KAZN: variants seen among roughly 807,000 people sequenced by gnomAD.
KAZN encodes the protein kazrin.
A neutral mutation model predicts 87.4 loss-of-function variants in KAZN; 40 were observed. The observed-to-expected ratio is 0.46, with a 90% confidence interval of 0.36 to 0.60. The LOEUF is 0.60. Among genes scored for constraint, KAZN ranks in the 20% least tolerant of loss-of-function variants. KAZN has a pLI of 0.00. For synonymous variants in KAZN, 466 were observed against 458.3 expected, an observed-to-expected ratio of 1.02 and a Z score of -0.22; for missense variants, 898 against 1,073.9, an observed-to-expected ratio of 0.84 and a Z score of 2.29.
At chr1:13,925,916 G>T (rs1261237776) in intron 1 of KAZN, among the ~76,000 whole-genome samples, 1 of 152,084 alleles carries the variant, frequency 6.6e-6, no homozygotes. Flanking sequence ...GGGGAGTGAG[G>T]GCAGAAGAGT....
At chr1:14,784,318 T>G (rs1246181543) in intron 1 of KAZN, among the ~76,000 whole-genome samples, 1 of 152,286 alleles carries the variant, frequency 6.6e-6, no homozygotes, top group African/African-American at 2.4e-5. Context: ...CCTAGATGAG[T>G]GCTTGGTTGA....
intron 2 of KAZN, among the ~76,000 whole-genome samples, chr1:14,985,052 C>T (rs1167148404): frequency 1.3e-5 from 2 of 151,644 alleles, no homozygotes. Flanking sequence ...AGAAGAATCG[C>T]TTGAACCCAG....
rs72869097 is a variant in KAZN at position 14,394,590 on chromosome 1, G to A, written c.250-204393G>A. Among the ~76,000 whole-genome samples the A allele has an allele frequency of 5.6e-3, 847 of 152,220 alleles. 4 individuals carry two copies. The highest frequency in any genetic ancestry group is 0.019 in the African/African-American group (784 of 41,514). On this transcript the variant is annotated intron_variant, in intron 2 of 16. Coordinates refer to the KAZN transcript ENST00000636203. The stretch of plus-strand genomic sequence containing the variant: ...CTGGGAAAATATAGATAGGATCGAA[G>A]GTAGTTTATATTAACCCCATTTAAA...
intron 2 of KAZN, among the ~76,000 whole-genome samples, chr1:15,001,532 A>ACTCCCT (rs1668473179): frequency 1.3e-5 from 2 of 152,084 alleles, no homozygotes; most frequent in Admixed American, 6.5e-5. Context: ...CATCCTTAAA[A>ACTCCCT]GGGAAGAGCA....
At position 15,067,692 on chromosome 1, in the gene KAZN, C is replaced by T. The variant is rs1183540322; in HGVS notation, c.1222+1939C>T. On this transcript the variant is annotated intron_variant, in intron 8 of 14. Coordinates refer to ENST00000376030, the MANE Select transcript of KAZN (RefSeq NM_201628.3). Reference sequence around the variant, plus strand: ...AGAACAAACAACACTTTCCTTCTGACCTGGTCCAAAAGTCAGCAAACAGCA... The same window carrying T: ...AGAACAAACAACACTTTCCTTCTGATCTGGTCCAAAAGTCAGCAAACAGCA... 3.0e-6 allele frequency: 3 copies of T among 985,310 alleles called. No homozygotes were observed. In the African/African-American group the frequency reaches 5.2e-5, roughly 17 times the overall value. The allele number at this position is 985,310 out of a possible 1,614,324, so 61.0% of individuals were successfully genotyped here.
intron 8 of KAZN, chr1:15,068,270 G>T (rs1011487867): frequency 5.2e-6 from 1 of 193,068 alleles, no homozygotes; most frequent in African/African-American, 2.4e-5. Flanking sequence ...GTTCTGGGAG[G>T]GGGGATGGGA....
At chr1:14,900,753 CAAAA>C (rs34012645) in intron 1 of KAZN, among the ~76,000 whole-genome samples, 1 of 132,012 alleles carries the variant, frequency 7.6e-6, no homozygotes. Flanking sequence ...GACTCCATCT[CAAAA>C]AAAAAAAAAA....
chr1:14,180,308 G>C, intron 1 of KAZN: 2 of 738,298 alleles, frequency 2.7e-6, no homozygotes, highest in Non-Finnish European at 4.4e-6. Flanking sequence ...GATGTGTCAA[G>C]TTCTTGATAC....
intron 1 of KAZN, among the ~76,000 whole-genome samples, chr1:13,926,270 G>C (rs7527058): frequency 0.38 from 57,020 of 151,834 alleles, 11,304 homozygotes; most frequent in East Asian, 0.72. Context: ...CAGGCTGGCT[G>C]TCTGCCCTGG....
At chr1:14,057,226 C>T (rs959241108) in intron 1 of KAZN, among the ~76,000 whole-genome samples, 3 of 151,548 alleles carry the variant, frequency 2.0e-5, no homozygotes, top group Non-Finnish European at 4.4e-5. Flanking sequence ...TCTCTGGCTC[C>T]CAGGTTCAAG....
At chr1:14,066,643 G>A (rs569351285) in intron 1 of KAZN, among the ~76,000 whole-genome samples, 93 of 152,270 alleles carry the variant, frequency 6.1e-4, no homozygotes, top group South Asian at 5.8e-3. Context: ...TGAAGTTGCC[G>A]CCCTCTGTTG....
intron 1 of KAZN, among the ~76,000 whole-genome samples, chr1:14,771,313 AG>A: frequency 6.6e-6 from 1 of 152,330 alleles, no homozygotes; most frequent in Admixed American, 6.5e-5. Flanking sequence ...GACAGTAGGC[AG>A]CATCTCTGGG....
chr1:14,104,252 G>A (rs1257681417), intron 1 of KAZN, among the ~76,000 whole-genome samples: 1 of 152,164 alleles, frequency 6.6e-6, no homozygotes, highest in Non-Finnish European at 1.5e-5. Flanking sequence ...TTCCCCGCAA[G>A]GAGCACCTGG....
At chr1:15,062,068 G>T (rs1023887950) in intron 6 of KAZN, 3 of 152,280 alleles carry the variant, frequency 2.0e-5, no homozygotes, top group South Asian at 4.2e-4. Flanking sequence ...GCCATATTTT[G>T]TCTTCTCGTG....
chr1:13,906,011 C>A (rs1639423771), intron 1 of KAZN, among the ~76,000 whole-genome samples: 1 of 152,174 alleles, frequency 6.6e-6, no homozygotes. Flanking sequence ...TATGTGATCT[C>A]CCTCTGACTC....
At chr1:14,917,378 G>A (rs1344734450) in intron 1 of KAZN, among the ~76,000 whole-genome samples, 1 of 152,216 alleles carries the variant, frequency 6.6e-6, no homozygotes, top group Non-Finnish European at 1.5e-5. Context: ...CCCAGGGGCT[G>A]CCAAAGGGCT....
chr1:14,832,860 G>A (rs1237367792), intron 1 of KAZN, among the ~76,000 whole-genome samples: 1 of 152,098 alleles, frequency 6.6e-6, no homozygotes, highest in Non-Finnish European at 1.5e-5. Flanking sequence ...TGAAATTCAC[G>A]TTTCAGTGTC....
At chr1:14,668,767 C>A (rs1412860647) in intron 1 of KAZN, among the ~76,000 whole-genome samples, 1 of 152,210 alleles carries the variant, frequency 6.6e-6, no homozygotes, top group Non-Finnish European at 1.5e-5. Context: ...TCCCCTTCTG[C>A]GACATGCATC....
At chr1:14,463,589 G>C (rs1050057418) in intron 2 of KAZN, among the ~76,000 whole-genome samples, 1 of 152,178 alleles carries the variant, frequency 6.6e-6, no homozygotes, top group Non-Finnish European at 1.5e-5. Context: ...TTGGCAGCCT[G>C]TGTGTTCTTC....
Sources: allele counts gnomAD v4.1 joint callset (sites outside exome capture counted in the v4.1 genomes callset), GRCh38; gene constraint gnomAD v4.1.1; transcripts MANE v1.5; gene names NCBI Gene and HGNC (gene_info 2026-07-23, HGNC 2026-07-21).